PCDH15: variants seen among roughly 807,000 people sequenced by gnomAD.
The protein encoded by PCDH15 is protocadherin-15.
Under a neutral mutation model 178.5 loss-of-function variants are expected in PCDH15, and 129 were observed. That is an observed-to-expected ratio of 0.72 (90% CI 0.63 to 0.84). The LOEUF (loss-of-function observed/expected upper bound fraction) is 0.84, where lower values mean the gene tolerates loss of function less well. PCDH15 is among the 40% of genes least tolerant of loss of function. The probability of loss-of-function intolerance (pLI) is 0.00; values close to 1 mark genes in which losing one functional copy is unlikely to be tolerated. For missense variants in PCDH15, 2,230 were observed against 2,099.9 expected (o/e 1.06, Z -1.21); for synonymous variants, 800 against 732.0 (o/e 1.09, Z -1.50).
rs541144266 is a variant in PCDH15 at position 55,547,910 on chromosome 10, T to TGTGTGAGAGAGAGA, written c.-156+79714_-156+79715insTCTCTCTCTCACAC. ...TGGTGTGTGTGTCTGTGTGTGTGTG[T>TGTGTGAGAGAGAGA]GAGAGAGAGAGAGAGAGAGAGAGAG... On this transcript the variant is annotated intron_variant, in intron 2 of 5. Coordinates refer to the PCDH15 transcript ENST00000613346. 2.8e-3 allele frequency among the ~76,000 whole-genome samples: 151 copies of TGTGTGAGAGAGAGA among 54,498 alleles called. 2 individuals are homozygous for TGTGTGAGAGAGAGA. The highest frequency in any genetic ancestry group is 4.2e-3 in the African/African-American group (52 of 12,400). 35.8% of individuals were successfully genotyped at this position (54,498 alleles called of 152,430 possible).
At chr10:54,339,199 C>T (rs2891517) in intron 6 of PCDH15, among the ~76,000 whole-genome samples, 10,814 of 152,198 alleles carry the variant, frequency 0.071, 494 homozygotes, top group African/African-American at 0.12. Context: ...TTTTTATTAT[C>T]AGCTCATCAG....
chr10:54,727,338 T>C (rs1265598415), intron 1 of PCDH15, among the ~76,000 whole-genome samples: 2 of 151,504 alleles, frequency 1.3e-5, no homozygotes, highest in Non-Finnish European at 3.0e-5. Context: ...AAACAATCTG[T>C]TCTTGAATCA....
In PCDH15 at chr10:53,972,733, A is replaced by G. The variant is rs541933190; in HGVS notation, c.2869-10841T>C. Among the ~76,000 whole-genome samples, 319 of 152,320 alleles carry G rather than the reference A, an allele frequency of 2.1e-3. 2 individuals carry two copies. Among genetic ancestry groups the G allele is most frequent in the African/African-American group, 7.2e-3 (301 of 41,578 alleles). ...CATCAGAGAAATGCAAATCAAAACC[A>G]CAATGAGATACCATCTCACACCAGT... is the stretch of plus-strand genomic sequence containing the variant. On this transcript the variant is annotated intron_variant, in intron 21 of 37. Transcript: ENST00000644397.
intron 2 of PCDH15, among the ~76,000 whole-genome samples, chr10:55,330,515 TGC>T (rs1243221889): frequency 6.6e-6 from 1 of 151,952 alleles, no homozygotes; most frequent in Non-Finnish European, 1.5e-5. Context: ...CTTTTCTACA[TGC>T]ATTTCCACTG....
intron 17 of PCDH15, among the ~76,000 whole-genome samples, chr10:54,067,820 CT>C (rs1221814048): frequency 6.6e-6 from 1 of 151,988 alleles, no homozygotes; most frequent in Admixed American, 6.6e-5. Context: ...AATTATCCAC[CT>C]TTTGTTTAAA....
At chr10:54,009,433 T>A (rs2092497763) in intron 20 of PCDH15, among the ~76,000 whole-genome samples, 2 of 151,922 alleles carry the variant, frequency 1.3e-5, no homozygotes, top group Non-Finnish European at 2.9e-5. Flanking sequence ...GGAAACAGTA[T>A]CCATAGAAGA....
chr10:55,344,422 G>C (rs1844688134), intron 2 of PCDH15, among the ~76,000 whole-genome samples: 1 of 152,094 alleles, frequency 6.6e-6, no homozygotes, highest in Non-Finnish European at 1.5e-5. Flanking sequence ...GTTTATTGCA[G>C]TAATTTAAAG....
At chr10:54,267,481 A>AT (rs111868249) in intron 8 of PCDH15, among the ~76,000 whole-genome samples, 2 of 152,068 alleles carry the variant, frequency 1.3e-5, no homozygotes, top group African/African-American at 4.8e-5. Flanking sequence ...AGGAAGTTAA[A>AT]TTTTATTTCT....
rs74438282 is a variant in PCDH15, at chr10:55,193,099, C to G, written c.-155-26448G>C. On this transcript the variant is annotated intron_variant, in intron 1 of 5. Coordinates refer to the PCDH15 transcript ENST00000458638. ...GCTACTTTGTGTAAGAGACACTGTC[C>G]TCAACCTGGACATACTGCTCTTTGT... Among the ~76,000 whole-genome samples, 61 of 151,060 alleles carry G rather than the reference C, an allele frequency of 4.0e-4. No homozygotes were observed. The East Asian group carries it at 9.1e-3, about 23-fold the overall frequency.
At chr10:55,416,568 T>C (rs371833240) in intron 2 of PCDH15, among the ~76,000 whole-genome samples, 6 of 151,606 alleles carry the variant, frequency 4.0e-5, no homozygotes, top group African/African-American at 1.5e-4. Flanking sequence ...AGGGGAATCA[T>C]CAAACTTGAG....
At chr10:55,057,145 A>G (rs867628438) in intron 2 of PCDH15, among the ~76,000 whole-genome samples, 1 of 152,122 alleles carries the variant, frequency 6.6e-6, no homozygotes, top group African/African-American at 2.4e-5. Context: ...AAGGGCCTAC[A>G]CTGTAGAGAC....
chr10:54,455,440 A>C (rs1215963429), intron 3 of PCDH15, among the ~76,000 whole-genome samples: 1 of 152,140 alleles, frequency 6.6e-6, no homozygotes, highest in Non-Finnish European at 1.5e-5. Context: ...TGGACAACTA[A>C]GTCAATGTTG....
At chr10:53,862,824 A>C (rs2079187429) in intron 27 of PCDH15, among the ~76,000 whole-genome samples, 1 of 152,230 alleles carries the variant, frequency 6.6e-6, no homozygotes, top group Non-Finnish European at 1.5e-5. Flanking sequence ...TACTCTATGC[A>C]TACTTCTCAT....
At chr10:55,602,016 G>T (rs554674512) in intron 2 of PCDH15, among the ~76,000 whole-genome samples, 1 of 152,206 alleles carries the variant, frequency 6.6e-6, no homozygotes, top group African/African-American at 2.4e-5. Flanking sequence ...CACGGCGCAG[G>T]TCAGTGGGTG....
intron 3 of PCDH15, among the ~76,000 whole-genome samples, chr10:54,443,614 A>G (rs2075972638): frequency 6.6e-6 from 1 of 151,722 alleles, no homozygotes; most frequent in Non-Finnish European, 1.5e-5. Flanking sequence ...CATCTGTCGG[A>G]CTGACTACAA....
chr10:54,393,722 C>A (rs1402893601), intron 3 of PCDH15, among the ~76,000 whole-genome samples: 1 of 152,124 alleles, frequency 6.6e-6, no homozygotes, highest in Admixed American at 6.6e-5. Context: ...CAAACAAGTG[C>A]CCAATCTTCA....
chr10:55,399,820 A>G (rs1205948874), intron 2 of PCDH15, among the ~76,000 whole-genome samples: 1 of 152,158 alleles, frequency 6.6e-6, no homozygotes, highest in East Asian at 1.9e-4. Context: ...CTTATGAGAA[A>G]AATTCAGTTT....
intron 25 of PCDH15, among the ~76,000 whole-genome samples, chr10:53,916,922 T>C (rs946709843): frequency 3.5e-5 from 4 of 114,438 alleles, no homozygotes; most frequent in Non-Finnish European, 7.2e-5. Context: ...AGTAACATTA[T>C]TACTAATACC....
chr10:54,046,617 C>CAA (rs33959286), intron 18 of PCDH15, among the ~76,000 whole-genome samples: 104,856 of 151,610 alleles, frequency 0.69, 36,671 homozygotes, highest in Middle Eastern at 0.77. Flanking sequence ...AAATGTGCAA[C>CAA]AAAAAAACCC....
Sources: gnomAD v4.1 joint callset for allele counts (sites outside exome capture counted in the v4.1 genomes callset) on GRCh38, gnomAD v4.1.1 for gene constraint, MANE v1.5 for transcripts, NCBI Gene and HGNC (gene_info 2026-07-23, HGNC 2026-07-21) for gene names.